Variants in B4GALNT1 observed in about 807,000 individuals in gnomAD.
The protein encoded by B4GALNT1 is beta-1,4-N-acetyl-galactosaminyltransferase 1.
In B4GALNT1, 43 loss-of-function variants were observed where a neutral mutation model predicts 55.2. That is an observed-to-expected ratio of 0.78 (90% confidence interval 0.61 to 1.00). B4GALNT1 has a LOEUF of 1.00. B4GALNT1 is among the 50% of genes least tolerant of loss of function. The probability of loss-of-function intolerance (pLI) is 0.00; values close to 1 mark genes in which losing one functional copy is unlikely to be tolerated. For synonymous variants in B4GALNT1, 305 were observed against 311.6 expected (o/e 0.98, Z 0.22); for missense variants, 664 against 729.7 (o/e 0.91, Z 1.04).
At chr12:57,627,464 C>T (rs1199312163) in intron 10 of B4GALNT1, among the ~76,000 whole-genome samples, 154 bp downstream of exon 10, 1 of 151,396 alleles carries the variant, frequency 6.6e-6, no homozygotes, top group Non-Finnish European at 1.5e-5. Context: ...CTGTCTCTCG[C>T]CCAGGTGCAG....
chr12:57,626,513 C>T lies in B4GALNT1; in HGVS notation c.*231G>A. 1.8e-6 allele frequency: 1 copy of T among 567,484 alleles called. No homozygotes were observed. Among genetic ancestry groups the T allele is most frequent in the Non-Finnish European group, 3.2e-6 (1 of 317,120 alleles). 35.2% of individuals were successfully genotyped at this position (567,484 alleles called of 1,614,324 possible). A position where few individuals can be genotyped will look rare whatever the true frequency, so the allele number is the denominator to read the frequency against. On this transcript the variant is annotated 3_prime_UTR_variant, in exon 11 of 11. Coordinates refer to ENST00000341156, the MANE Select transcript of B4GALNT1 (RefSeq NM_001478.5). Reference sequence around the variant, plus strand: ...GAGAATGGGCAGGGGGAGGACTTGGCACTGGCTGTGGGAGAGGTTATGGCT... The same window carrying T: ...GAGAATGGGCAGGGGGAGGACTTGGTACTGGCTGTGGGAGAGGTTATGGCT...
intron 9 of B4GALNT1, 78 bp downstream of exon 9, chr12:57,628,044 T>C (rs2140244007): frequency 1.3e-6 from 2 of 1,578,338 alleles, no homozygotes; most frequent in East Asian, 2.3e-5. Flanking sequence ...TGGCCGTTCC[T>C]GGCCGCAGCG....
At position 57,627,411 on chromosome 12, in the gene B4GALNT1, T is replaced by TA. The variant is rs5798410; in HGVS notation, c.1384+206dup. Among the ~76,000 whole-genome samples, 1,129 of 144,236 alleles carry TA rather than the reference T, an allele frequency of 7.8e-3. 5 individuals carry two copies. Among genetic ancestry groups the TA allele is most frequent in the Non-Finnish European group, 0.011 (741 of 65,356 alleles). The allele number at this position is 144,236 out of a possible 152,430, so 94.6% of individuals were successfully genotyped here. A position where few individuals can be genotyped will look rare whatever the true frequency, so the allele number is the denominator to read the frequency against. ...GTATAACAAAAAATATATATATTTATAAAAAAAAAAAAAGAGTATGCGGGG... is the reference window on the plus strand; with the variant it reads ...GTATAACAAAAAATATATATATTTATAAAAAAAAAAAAAAGAGTATGCGGGG... On this transcript the variant is annotated intron_variant, in intron 10 of 10. Coordinates refer to ENST00000341156, the MANE Select transcript of B4GALNT1 (RefSeq NM_001478.5).
Position 57,630,272 on chromosome 12 carries a change from G to C in B4GALNT1, c.592C>G (p.Leu198Val). ...AGATCTGCCTGACCCTCTCCAGTGA[G>C]AGTAACTCCAGTCACTTCCCCTGCC... Reference protein sequence around the residue: ...DVAGEVTGVTLTGEGQADLTL... With the variant: ...DVAGEVTGVTVTGEGQADLTL... Residue 198 changes from leucine to valine, a missense_variant, in exon 6 of 11, where the codon CTC (leucine) becomes GTC (valine). By Grantham distance (32) the Leu-to-Val change is conservative. Coordinates refer to ENST00000341156, the MANE Select transcript of B4GALNT1 (RefSeq NM_001478.5). 3 of 1,614,228 alleles carry C rather than the reference G, an allele frequency of 1.9e-6. No individual in the cohort carries two copies. The highest frequency in any genetic ancestry group is 2.5e-6 in the Non-Finnish European group (3 of 1,180,036).
rs921990066 is a variant in B4GALNT1 at position 57,632,819 on chromosome 12, C to T, written c.-49G>A. ...GGCAAAATTTCGGTCCGGGCTGTGCCGGGCTCTCGCCCCGGCCTGAGGGTC... is the reference window on the plus strand; with the variant it reads ...GGCAAAATTTCGGTCCGGGCTGTGCTGGGCTCTCGCCCCGGCCTGAGGGTC... On this transcript the variant is annotated 5_prime_UTR_variant, in exon 1 of 11. Transcript: ENST00000341156. 6.5e-6 allele frequency: 1 copy of T among 153,368 alleles called. No individual in the cohort carries two copies. The allele number at this position is 153,368 out of a possible 1,614,324, so 9.5% of individuals were successfully genotyped here.
At position 57,624,480 on chromosome 12, in the gene B4GALNT1, C is replaced by T. The variant is rs757683460; in HGVS notation, c.*2264G>A. Reference sequence around the variant, plus strand: ...CCTGGCTTTTCTTTTGGGCAATCCACCCCTATCCCTATCCTGCAGGCTGTG... The same window carrying T: ...CCTGGCTTTTCTTTTGGGCAATCCATCCCTATCCCTATCCTGCAGGCTGTG... On this transcript the variant is annotated 3_prime_UTR_variant, in exon 11 of 11. Transcript: ENST00000341156. 2 of 615,330 alleles carry T rather than the reference C, an allele frequency of 3.3e-6. No homozygotes were observed. The highest frequency in any genetic ancestry group is 1.8e-5 in the African/African-American group (1 of 55,404). The allele number at this position is 615,330 out of a possible 1,614,324, so 38.1% of individuals were successfully genotyped here.
chr12:57,627,672 C>G lies in B4GALNT1; in HGVS notation c.1330G>C (p.Asp444His). Residue 444 changes from aspartate (D) to histidine (H), a missense_variant, in exon 10 of 11, where the codon GAC becomes CAC. Asp to His is a moderately conservative substitution (Grantham distance 81). Coordinates refer to ENST00000341156, the MANE Select transcript of B4GALNT1 (RefSeq NM_001478.5). The part of the protein sequence containing the change: ...GVVNFFLART[D>H]KVREVGFDPR... ...TCGAAACCGACCTCGCGCACCTTGT[C>G]AGTCCGCGCCAGGAAGAAGTTAACC... is the stretch of plus-strand genomic sequence containing the variant. 1 of 1,611,132 alleles carries G rather than the reference C, an allele frequency of 6.2e-7. No homozygotes were observed.
chr12:57,630,636 G>C (rs1427739376), intron 4 of B4GALNT1, 118 bp from the exon 5 acceptor site: 18 of 1,186,204 alleles, frequency 1.5e-5, no homozygotes, highest in Admixed American at 2.7e-5. Flanking sequence ...TTCTTATTGA[G>C]GCCTCAGCAG....
Position 57,623,666 on chromosome 12 carries a change from G to A in B4GALNT1, c.*3078C>T, listed in dbSNP as rs554991153. 6.7e-4 allele frequency: 401 copies of A among 599,542 alleles called. No individual in the cohort carries two copies. Among genetic ancestry groups the A allele is most frequent in the Middle Eastern group, 2.7e-3 (6 of 2,226 alleles). The allele number at this position is 599,542 out of a possible 1,614,324, so 37.1% of individuals were successfully genotyped here. A position where few individuals can be genotyped will look rare whatever the true frequency, so the allele number is the denominator to read the frequency against. On this transcript the variant is annotated 3_prime_UTR_variant, in exon 11 of 11. Coordinates refer to ENST00000341156, the MANE Select transcript of B4GALNT1 (RefSeq NM_001478.5). ...GGGCATTTAATTAATTGGGGGGAGCGGGAGGGTTAGATGTGAATGGCAGAA... is the reference window on the plus strand; with the variant it reads ...GGGCATTTAATTAATTGGGGGGAGCAGGAGGGTTAGATGTGAATGGCAGAA...
intron 1 of B4GALNT1, 21 bp from the exon 2 acceptor site, chr12:57,632,154 G>A (rs1208322908): frequency 1.3e-6 from 2 of 1,504,636 alleles, no homozygotes; most frequent in African/African-American, 1.4e-5. Flanking sequence ...GTAGGGTGGG[G>A]AGTGAGAAAG....
Position 57,626,858 on chromosome 12 carries a change from G to A in B4GALNT1, c.1488C>T (p.Ala496=), listed in dbSNP as rs745904681. The stretch of plus-strand genomic sequence containing the variant: ...GGTACCGGGCGTAAGTCTCTGCTCC[G>A]GCATCCCTTGATGTCCAAGGCAGCT... The part of the protein sequence containing the change: ...KLKLPWTSRD[A]GAETYARYRY... The change falls in exon 11 of 11, where the codon GCC becomes GCT. Residue 496 remains alanine, a synonymous_variant. Transcript: ENST00000341156. The A allele has an allele frequency of 8.7e-6, 14 of 1,614,046 alleles. No individual in the cohort carries two copies. The highest frequency in any genetic ancestry group is 5.0e-5 in the Admixed American group (3 of 60,000).
In B4GALNT1 at chr12:57,627,679, C is replaced by T. The variant is rs1884919590; in HGVS notation, c.1323G>A (p.Ala441=). ...CGACCTCGCGCACCTTGTCAGTCCG[C>T]GCCAGGAAGAAGTTAACCACGCCGT... ...VTDGVVNFFL[A]RTDKVREVGF... The change falls in exon 10 of 11, where the codon GCG becomes GCA. Residue 441 remains alanine, a synonymous_variant. Coordinates refer to ENST00000341156, the MANE Select transcript of B4GALNT1 (RefSeq NM_001478.5). 1 of 1,611,946 alleles carries T rather than the reference C, an allele frequency of 6.2e-7. No individual in the cohort carries two copies. Among genetic ancestry groups the T allele is most frequent in the Non-Finnish European group, 8.5e-7 (1 of 1,178,834 alleles).
rs751686943 is a variant in B4GALNT1, at chr12:57,624,831, G to A, written c.*1913C>T. 6.3e-7 allele frequency: 1 copy of A among 1,595,268 alleles called. No homozygotes were observed. The highest frequency in any genetic ancestry group is 8.6e-7 in the Non-Finnish European group (1 of 1,162,808). Reference sequence around the variant, plus strand: ...CAGCCAAAGAAGGAAGGGAAGATTAGCCCCAGACATTTCTCTGATCCTTTG... The same window carrying A: ...CAGCCAAAGAAGGAAGGGAAGATTAACCCCAGACATTTCTCTGATCCTTTG... On this transcript the variant is annotated 3_prime_UTR_variant, in exon 11 of 11. Transcript: ENST00000341156.
chr12:57,624,469 T>C lies in B4GALNT1; in HGVS notation c.*2275A>G, dbSNP rs775845589. 21 of 605,058 alleles carry C rather than the reference T, an allele frequency of 3.5e-5. No individual in the cohort carries two copies. In the African/African-American group the frequency reaches 3.8e-4, roughly 11 times the overall value. The allele number at this position is 605,058 out of a possible 1,614,324, so 37.5% of individuals were successfully genotyped here. On this transcript the variant is annotated 3_prime_UTR_variant, in exon 11 of 11. Coordinates refer to ENST00000341156, the MANE Select transcript of B4GALNT1 (RefSeq NM_001478.5). ...AGCAGTGATGGCCTGGCTTTTCTTTTGGGCAATCCACCCCTATCCCTATCC... is the reference window on the plus strand; with the variant it reads ...AGCAGTGATGGCCTGGCTTTTCTTTCGGGCAATCCACCCCTATCCCTATCC...
At position 57,625,684 on chromosome 12, in the gene B4GALNT1, G is replaced by T; in HGVS notation, c.*1060C>A. 6.4e-7 allele frequency: 1 copy of T among 1,573,324 alleles called. No individual in the cohort carries two copies. ...GATGCAGCTGCTTATGCCCTGGGGA[G>T]CCTGTTAAGGGGCAGTAGCACCAGG... On this transcript the variant is annotated 3_prime_UTR_variant, in exon 11 of 11. Coordinates refer to ENST00000341156, the MANE Select transcript of B4GALNT1 (RefSeq NM_001478.5).
rs997497820 is a variant in B4GALNT1 at position 57,623,742 on chromosome 12, G to A, written c.*3002C>T. 1.9e-5 allele frequency: 21 copies of A among 1,086,778 alleles called. No homozygotes were observed. Among genetic ancestry groups the A allele is most frequent in the Non-Finnish European group, 2.6e-5 (19 of 743,822 alleles). 67.3% of individuals were successfully genotyped at this position (1,086,778 alleles called of 1,614,324 possible). ...GAGATTTGGGAGAAGGGAGACTTCC[G>A]AGGAAGATTAGGCAGAGTGGGCAGG... is the stretch of plus-strand genomic sequence containing the variant. On this transcript the variant is annotated 3_prime_UTR_variant, in exon 11 of 11. Coordinates refer to ENST00000341156, the MANE Select transcript of B4GALNT1 (RefSeq NM_001478.5).
In B4GALNT1 at chr12:57,627,966, C is replaced by T. The variant is rs1884951126; in HGVS notation, c.1144-108G>A. 2.7e-6 allele frequency: 4 copies of T among 1,465,540 alleles called. No homozygotes were observed. The South Asian group carries it at 4.1e-5, about 15-fold the overall frequency. 90.8% of individuals were successfully genotyped at this position (1,465,540 alleles called of 1,614,324 possible). On this transcript the variant is annotated intron_variant, in intron 9 of 10. Transcript: ENST00000341156. The stretch of plus-strand genomic sequence containing the variant: ...GGGGTACCCCTGCCCCATCCTCTTC[C>T]GCTTCACCCCTGCAGGACCCAGACA...
chr12:57,630,255 C>T lies in B4GALNT1; in HGVS notation c.609G>A (p.Gln203=). Residue 203 remains glutamine, a synonymous_variant, in exon 6 of 11, where the codon CAG becomes CAA. Transcript: ENST00000341156. ...VTGVTLTGEG[Q]ADLTLVSPGL... ...CTGGGCTGACAAGGGTGAGATCTGC[C>T]TGACCCTCTCCAGTGAGAGTAACTC... The T allele has an allele frequency of 6.2e-7, 1 of 1,614,234 alleles. No homozygotes were observed. The highest frequency in any genetic ancestry group is 8.5e-7 in the Non-Finnish European group (1 of 1,180,038).
rs200902338 is a variant in B4GALNT1 at position 57,625,486 on chromosome 12, G to C, written c.*1258C>G. 51 of 1,614,024 alleles carry C rather than the reference G, an allele frequency of 3.2e-5. No individual in the cohort carries two copies. Among genetic ancestry groups the C allele is most frequent in the Non-Finnish European group, 4.2e-5 (50 of 1,180,010 alleles). On this transcript the variant is annotated 3_prime_UTR_variant, in exon 11 of 11. Transcript: ENST00000341156. ...AATGGTGAGATGTGTGGAGAAGAGC[G>C]GGGCCCAGTGCCTGGGCAATGACTG...
Sources: allele counts gnomAD v4.1 joint callset (sites outside exome capture counted in the v4.1 genomes callset), GRCh38; gene constraint gnomAD v4.1.1; transcripts MANE v1.5; gene names NCBI Gene and HGNC (gene_info 2026-07-23, HGNC 2026-07-21).